The following OGA variants were observed in gnomAD, a reference collection of about 807,000 sequenced individuals.
The protein encoded by OGA is O-GlcNAcase, also known as protein O-GlcNAcase.
A neutral mutation model predicts 102.0 loss-of-function variants in OGA; 21 were observed. The ratio of observed to expected loss-of-function variants is 0.21; its 90% CI spans 0.15 to 0.30. OGA has a LOEUF of 0.30. OGA is among the 10% of genes least tolerant of loss of function. OGA has a pLI of 1.00. For synonymous variants in OGA, 408 were observed against 378.2 expected (o/e 1.08, Z -0.91); for missense variants, 765 against 1,107.8 (o/e 0.69, Z 4.39).
At chr10:101,804,042 G>A (rs1237071752) in intron 6 of OGA, 23 bp from the exon 7 acceptor site, 16 of 1,591,828 alleles carry the variant, frequency 1.0e-5, no homozygotes, top group African/African-American at 8.1e-5. Context: ...ACAACCGTTC[G>A]TTAAAAGAAT....
At chr10:101,811,469 A>T (rs2135091169) in intron 3 of OGA, among the ~76,000 whole-genome samples, 1 of 146,002 alleles carries the variant, frequency 6.8e-6, no homozygotes, top group African/African-American at 2.5e-5. Flanking sequence ...TTGAGAGGCC[A>T]CGGCAAGTTG....
chr10:101,789,748 C>T (rs1357492319), intron 14 of OGA, among the ~76,000 whole-genome samples: 2 of 151,794 alleles, frequency 1.3e-5, no homozygotes, highest in East Asian at 1.9e-4. Flanking sequence ...CCGAGGCAGG[C>T]GGACTGCTTG....
intron 1 of OGA, 150 bp from the exon 2 acceptor site, chr10:101,813,756 G>C: frequency 2.2e-6 from 1 of 448,890 alleles, no homozygotes; most frequent in Non-Finnish European, 4.0e-6. Flanking sequence ...AAAATACTAA[G>C]GTTCCTTTAA....
In OGA at chr10:101,817,823, C is replaced by A. The variant is rs1271434258; in HGVS notation, c.199+1G>T. The stretch of plus-strand genomic sequence containing the variant: ...AACGGGGAGGGAAGGAGGGCGCTCA[C>A]CTTCCACCACACCGCAGAGGAACCG... On this transcript the variant is annotated splice_donor_variant, in intron 1 of 15. Coordinates refer to ENST00000361464, the MANE Select transcript of OGA (RefSeq NM_012215.5). LOFTEE classifies it high-confidence loss of function. The A allele has an allele frequency of 6.5e-7, 1 of 1,538,286 alleles. No homozygotes were observed.
intron 1 of OGA, among the ~76,000 whole-genome samples, chr10:101,814,098 C>T (rs1221686110): frequency 6.6e-6 from 1 of 151,396 alleles, no homozygotes; most frequent in Non-Finnish European, 1.5e-5. Flanking sequence ...GAGGCTGAGG[C>T]AGGTAGATCA....
intron 14 of OGA, among the ~76,000 whole-genome samples, chr10:101,790,366 G>A (rs1183229272): frequency 6.9e-6 from 1 of 145,348 alleles, no homozygotes; most frequent in African/African-American, 2.6e-5. Context: ...TCCCGCTCCT[G>A]GGTTCAAGCA....
chr10:101,806,612 T>C (rs1022307403), intron 5 of OGA, among the ~76,000 whole-genome samples: 1 of 152,202 alleles, frequency 6.6e-6, no homozygotes, highest in African/African-American at 2.4e-5. Context: ...CCTCCAACAG[T>C]AGTACAGATC....
At chr10:101,794,721 C>T (rs1037032661) in intron 10 of OGA, among the ~76,000 whole-genome samples, 6 of 152,154 alleles carry the variant, frequency 3.9e-5, no homozygotes, top group Admixed American at 2.6e-4. Flanking sequence ...CTTTGCAATA[C>T]ACTGAACATA....
chr10:101,803,786 C>A lies in OGA; in HGVS notation c.985G>T (p.Ala329Ser). Residue 329 changes from alanine to serine, a missense_variant, in exon 7 of 16, where the codon GCC becomes TCC. This residue lies in a region of OGA where 33 missense variants were observed against 52.5 expected (regional missense o/e 0.63). Coordinates refer to ENST00000361464, the MANE Select transcript of OGA (RefSeq NM_012215.5). ...EANYVAIHTL[A>S]TWYKSNMNGV... ...TTCATGTTTGATTTGTACCAGGTGG[C>A]AAGGGTGTGGATAGCAACGTAGTTG... 1 of 1,614,150 alleles carries A rather than the reference C, an allele frequency of 6.2e-7. No homozygotes were observed. The highest frequency in any genetic ancestry group is 1.3e-5 in the African/African-American group (1 of 75,034).
chr10:101,790,077 G>T (rs1326292606), intron 14 of OGA, among the ~76,000 whole-genome samples: 1 of 152,142 alleles, frequency 6.6e-6, no homozygotes, highest in Non-Finnish European at 1.5e-5. Flanking sequence ...ATGTATTTAA[G>T]TTGGGACAGG....
At chr10:101,794,366 C>T (rs1409875718) in intron 10 of OGA, among the ~76,000 whole-genome samples, 4 of 152,122 alleles carry the variant, frequency 2.6e-5, no homozygotes, top group Non-Finnish European at 5.9e-5. Flanking sequence ...GATAATTAGA[C>T]ACTTTATTAT....
intron 3 of OGA, among the ~76,000 whole-genome samples, chr10:101,812,362 C>T (rs1408775812): frequency 2.0e-5 from 3 of 151,984 alleles, no homozygotes; most frequent in Non-Finnish European, 4.4e-5. Context: ...TAGCCGAGAT[C>T]GCACCACTGC....
At chr10:101,804,900 A>G (rs1371925100) in intron 6 of OGA, among the ~76,000 whole-genome samples, 1 of 152,042 alleles carries the variant, frequency 6.6e-6, no homozygotes, top group African/African-American at 2.4e-5. Flanking sequence ...CCCAGCCACA[A>G]TTTTTCTTTT....
At position 101,803,979 on chromosome 10, in the gene OGA, G is replaced by A. The variant is rs368661204; in HGVS notation, c.792C>T (p.Ile264=). The change falls in exon 7 of 16, where the codon ATC becomes ATT. Residue 264 remains isoleucine (I), a synonymous_variant. Coordinates refer to ENST00000361464, the MANE Select transcript of OGA (RefSeq NM_012215.5). ...VVSKEIPVES[I]EEVSKIIKRA... ...TCTTAATAATCTTAGAAACCTCTTC[G>A]ATGGACTCTACTGGAATTTCTTTAG... The A allele has an allele frequency of 3.1e-6, 5 of 1,613,474 alleles. No homozygotes were observed. The highest frequency in any genetic ancestry group is 1.1e-5 in the South Asian group (1 of 91,054).
At chr10:101,815,901 T>G (rs1462178843) in intron 1 of OGA, among the ~76,000 whole-genome samples, 1 of 136,502 alleles carries the variant, frequency 7.3e-6, no homozygotes, top group Non-Finnish European at 1.5e-5. Flanking sequence ...TAGCAGTAAC[T>G]ATAGTATTTC....
At position 101,786,361 on chromosome 10, in the gene OGA, A is replaced by G. The variant is rs2065190110; in HGVS notation, c.*90T>C. 1 of 1,304,616 alleles carries G rather than the reference A, an allele frequency of 7.7e-7. No homozygotes were observed. Among genetic ancestry groups the G allele is most frequent in the Non-Finnish European group, 1.0e-6 (1 of 989,224 alleles). The allele number at this position is 1,304,616 out of a possible 1,614,324, so 80.8% of individuals were successfully genotyped here. On this transcript the variant is annotated 3_prime_UTR_variant, in exon 16 of 16. Transcript: ENST00000361464. ...GAATCCAATTGGCTGATTTGTTACC[A>G]TTCTAGAGGCTGAACTGTATGAAGA...
At chr10:101,794,039 G>A (rs759729070) in intron 10 of OGA, 41 bp from the exon 11 acceptor site, 1 of 1,425,854 alleles carries the variant, frequency 7.0e-7, no homozygotes, top group Admixed American at 1.7e-5. Flanking sequence ...TACGAGAAAG[G>A]GGATTTCCTG....
intron 14 of OGA, among the ~76,000 whole-genome samples, chr10:101,790,626 G>A (rs935854253): frequency 1.3e-5 from 2 of 152,206 alleles, no homozygotes; most frequent in African/African-American, 4.8e-5. Context: ...GGAAAAAAAT[G>A]TTCTTTGTCT....
chr10:101,814,677 G>A (rs2065599291), intron 1 of OGA, among the ~76,000 whole-genome samples: 1 of 152,078 alleles, frequency 6.6e-6, no homozygotes, highest in Non-Finnish European at 1.5e-5. Context: ...CAGCCTAACT[G>A]GCCCAAACAA....
Sources: gnomAD v4.1 joint callset for allele counts (sites outside exome capture counted in the v4.1 genomes callset) on GRCh38, gnomAD v4.1.1 for gene constraint, gnomAD v4.1.1 regional missense constraint, MANE v1.5 for transcripts, NCBI Gene and HGNC (gene_info 2026-07-23, HGNC 2026-07-21) for gene names.